The following RBFOX1 variants were observed in gnomAD, a reference collection of about 807,000 sequenced individuals.
The protein encoded by RBFOX1 is RNA binding fox-1 homolog 1.
RBFOX1 carries 8 observed loss-of-function variants against 57.7 expected under a neutral mutation model. The observed-to-expected ratio is 0.14, with a 90% confidence interval of 0.08 to 0.25. The LOEUF (loss-of-function observed/expected upper bound fraction) is 0.25. RBFOX1 is among the 10% of genes least tolerant of loss of function. RBFOX1 has a pLI of 1.00. For synonymous variants in RBFOX1, 326 were observed against 222.4 expected (o/e 1.47, Z -4.15); for missense variants, 611 against 548.5 (o/e 1.11, Z -1.14).
intron 2 of RBFOX1, among the ~76,000 whole-genome samples, chr16:6,653,395 T>G (rs748182269): frequency 2.8e-4 from 42 of 152,300 alleles, no homozygotes; most frequent in South Asian, 6.2e-4. Context: ...CCATGCCTAG[T>G]GCAAGGTCTA....
intron 2 of RBFOX1, among the ~76,000 whole-genome samples, chr16:6,559,075 A>G (rs1413110933): frequency 6.6e-6 from 1 of 152,004 alleles, no homozygotes; most frequent in Non-Finnish European, 1.5e-5. Context: ...TTGGTCTCAT[A>G]GTTCCTTGTA....
chr16:7,330,517 TGTGTGTGTAG>T (rs1451966023), intron 4 of RBFOX1, among the ~76,000 whole-genome samples: 14 of 124,980 alleles, frequency 1.1e-4, no homozygotes, highest in Non-Finnish European at 1.6e-4. Context: ...TGTTTGTGTG[TGTGTGTGTAG>T]AGAGAGAGAG....
At chr16:6,812,967 G>C (rs1008467395) in intron 3 of RBFOX1, among the ~76,000 whole-genome samples, 3 of 152,104 alleles carry the variant, frequency 2.0e-5, no homozygotes, top group African/African-American at 7.2e-5. Context: ...AAAGGAAGAT[G>C]TTTAAATTCC....
At chr16:5,292,355 T>C (rs1335728677) in intron 1 of RBFOX1, among the ~76,000 whole-genome samples, 4 of 152,204 alleles carry the variant, frequency 2.6e-5, no homozygotes, top group Admixed American at 1.3e-4. Flanking sequence ...TCTGTTGTTT[T>C]CCCCCAAATC....
intron 3 of RBFOX1, among the ~76,000 whole-genome samples, chr16:5,855,774 T>G (rs2057009541): frequency 6.6e-6 from 1 of 152,040 alleles, no homozygotes; most frequent in Non-Finnish European, 1.5e-5. Flanking sequence ...CCTTGGAATT[T>G]TGATAGGGAT....
intron 3 of RBFOX1, among the ~76,000 whole-genome samples, chr16:6,804,747 G>A (rs2086321618): frequency 6.6e-6 from 1 of 152,142 alleles, no homozygotes; most frequent in African/African-American, 2.4e-5. Context: ...GAGAGCCCTA[G>A]AATGGGACGC....
intron 4 of RBFOX1, among the ~76,000 whole-genome samples, chr16:7,459,177 G>C (rs2059098357): frequency 6.6e-6 from 1 of 151,994 alleles, no homozygotes; most frequent in African/African-American, 2.4e-5. Flanking sequence ...TAGGTGGGTG[G>C]GTGGATGGAT....
At chr16:5,783,144 T>A (rs2054380345) in intron 3 of RBFOX1, among the ~76,000 whole-genome samples, 1 of 148,498 alleles carries the variant, frequency 6.7e-6, no homozygotes, top group African/African-American at 2.5e-5. Context: ...ATTTTTAAAT[T>A]GTGATACGAT....
At chr16:5,712,135 T>G (rs2151510052) in intron 3 of RBFOX1, among the ~76,000 whole-genome samples, 1 of 152,244 alleles carries the variant, frequency 6.6e-6, no homozygotes, top group South Asian at 2.1e-4. Flanking sequence ...GAGAGCTCAC[T>G]CTCTATCATG....
chr16:6,745,688 C>A (rs1323021804), intron 3 of RBFOX1, among the ~76,000 whole-genome samples: 4 of 152,178 alleles, frequency 2.6e-5, no homozygotes, highest in African/African-American at 9.7e-5. Context: ...TAGCTAATAT[C>A]ATGCTTAATG....
rs576099774 is a variant in RBFOX1, at chr16:6,087,708, C to T, written c.-127+67716C>T. Among the ~76,000 whole-genome samples the T allele has an allele frequency of 6.8e-4, 103 of 151,340 alleles. No individual in the cohort carries two copies. In the East Asian group the frequency reaches 7.2e-3, roughly 11 times the overall value. ...CTTGCTCTTTCACCAGGCTGGGTGCCGTGGCGTGATCTCGGCTCACTGCAC... is the reference window on the plus strand; with the variant it reads ...CTTGCTCTTTCACCAGGCTGGGTGCTGTGGCGTGATCTCGGCTCACTGCAC... On this transcript the variant is annotated intron_variant, in intron 1 of 15. Transcript: ENST00000550418.
chr16:5,752,560 C>T (rs532010266), intron 3 of RBFOX1, among the ~76,000 whole-genome samples: 40 of 152,280 alleles, frequency 2.6e-4, no homozygotes, highest in Middle Eastern at 3.4e-3. Context: ...AAATAAATTG[C>T]TTCATGGGCC....
At chr16:5,442,890 C>T (rs995064600) in intron 1 of RBFOX1, among the ~76,000 whole-genome samples, 5 of 152,010 alleles carry the variant, frequency 3.3e-5, no homozygotes, top group Non-Finnish European at 5.9e-5. Context: ...TTGAGATGAC[C>T]CTGCATTTAA....
chr16:6,867,266 G>A (rs1388355788), intron 3 of RBFOX1, among the ~76,000 whole-genome samples: 1 of 151,478 alleles, frequency 6.6e-6, no homozygotes. Context: ...TTTCCTTTCT[G>A]ATGAGCATGG....
chr16:5,561,285 A>G (rs1179979070), intron 2 of RBFOX1, among the ~76,000 whole-genome samples: 1 of 152,022 alleles, frequency 6.6e-6, no homozygotes, highest in Non-Finnish European at 1.5e-5. Flanking sequence ...TTGAATGAGG[A>G]CCTATAATTA....
intron 1 of RBFOX1, among the ~76,000 whole-genome samples, chr16:6,308,596 T>C (rs2152757185): frequency 6.6e-6 from 1 of 152,274 alleles, no homozygotes; most frequent in South Asian, 2.1e-4. Context: ...GTCACCAAAA[T>C]GTATGTTGTA....
At chr16:7,125,383 G>T (rs534853086) in intron 4 of RBFOX1, among the ~76,000 whole-genome samples, 4 of 152,168 alleles carry the variant, frequency 2.6e-5, no homozygotes, top group African/African-American at 9.7e-5. Context: ...ATCAATAGAT[G>T]GTTGATACCT....
intron 4 of RBFOX1, among the ~76,000 whole-genome samples, chr16:7,084,842 T>C (rs2059740531): frequency 6.6e-6 from 1 of 152,140 alleles, no homozygotes; most frequent in South Asian, 2.1e-4. Flanking sequence ...ATCTTGTCTG[T>C]CTGTCTGTCT....
intron 3 of RBFOX1, among the ~76,000 whole-genome samples, chr16:6,967,402 G>C (rs2084510945): frequency 6.6e-6 from 1 of 152,198 alleles, no homozygotes; most frequent in African/African-American, 2.4e-5. Flanking sequence ...AGCCTCATGG[G>C]AAGGCCAGTT....
Sources: gnomAD v4.1 joint callset for allele counts (sites outside exome capture counted in the v4.1 genomes callset) on GRCh38, gnomAD v4.1.1 for gene constraint, MANE v1.5 for transcripts, NCBI Gene and HGNC (gene_info 2026-07-23, HGNC 2026-07-21) for gene names.